The following RABEP2 variants were observed in gnomAD, a reference collection of about 807,000 sequenced individuals.
RABEP2 encodes rabaptin, RAB GTPase binding effector protein 2.
RABEP2 carries 57 observed loss-of-function variants against 74.1 expected under a neutral mutation model. The observed-to-expected ratio is 0.77, with a 90% confidence interval of 0.62 to 0.96. The LOEUF is 0.96. RABEP2 is among the 40% of genes least tolerant of loss of function. The pLI, the probability that RABEP2 is intolerant of heterozygous loss-of-function variation, is 0.00. For synonymous variants in RABEP2, 351 were observed against 344.0 expected, an observed-to-expected ratio of 1.02 and a Z score of -0.23; for missense variants, 692 against 756.3, an observed-to-expected ratio of 0.91 and a Z score of 1.00.
chr16:28,918,095 C>T (rs1964419569), intron 3 of RABEP2, among the ~76,000 whole-genome samples: 2 of 98,622 alleles, frequency 2.0e-5, no homozygotes, highest in Non-Finnish European at 3.6e-5. Context: ...TTTTTTGAGA[C>T]GGAGTCTCGC....
chr16:28,923,347 G>A (rs138411839), intron 2 of RABEP2, among the ~76,000 whole-genome samples: 202 of 152,110 alleles, frequency 1.3e-3, no homozygotes, highest in African/African-American at 4.8e-3. Context: ...GGAGGTGGAG[G>A]TTGCAGTGAG....
At position 28,924,911 on chromosome 16, in the gene RABEP2, C is replaced by T. The variant is rs1369352100; in HGVS notation, c.61+192G>A. On this transcript the variant is annotated intron_variant, in intron 1 of 12. Coordinates refer to ENST00000358201, the MANE Select transcript of RABEP2 (RefSeq NM_024816.3). ...TCACCGGGCCCCACTTCGCACCTGT[C>T]ACTGGCCCTACCCCTTCAATGGCCG... The T allele has an allele frequency of 3.6e-6, 3 of 822,242 alleles. No homozygotes were observed. The African/African-American group carries it at 5.0e-5, about 14-fold the overall frequency. The allele number at this position is 822,242 out of a possible 1,614,324, so 50.9% of individuals were successfully genotyped here.
At position 28,914,654 on chromosome 16, in the gene RABEP2, C is replaced by T; in HGVS notation, c.543+18G>A. 1 of 1,613,570 alleles carries T rather than the reference C, an allele frequency of 6.2e-7. No homozygotes were observed. Among genetic ancestry groups the T allele is most frequent in the Non-Finnish European group, 8.5e-7 (1 of 1,179,626 alleles). The stretch of plus-strand genomic sequence containing the variant: ...CTGGCACCCCTCCTTCCCCAGCGCC[C>T]CCTGGCCGTGCCCTCACCTGGATCT... On this transcript the variant is annotated intron_variant, in intron 4 of 12. Coordinates refer to ENST00000358201, the MANE Select transcript of RABEP2 (RefSeq NM_024816.3).
intron 3 of RABEP2, 104 bp from the exon 4 acceptor site, chr16:28,914,886 C>T: frequency 1.1e-6 from 1 of 931,246 alleles, no homozygotes; most frequent in Non-Finnish European, 1.7e-6. Context: ...TCCTAATCCT[C>T]CCTAGAAGGT....
chr16:28,905,484 C>G lies in RABEP2; in HGVS notation c.1521G>C (p.Gln507His). The G allele has an allele frequency of 6.2e-7, 1 of 1,611,040 alleles. No homozygotes were observed. Among genetic ancestry groups the G allele is most frequent in the Non-Finnish European group, 8.5e-7 (1 of 1,179,288 alleles). ...CCTGCAGCCGCAGCACCTTGGCCCT[C>G]TGTTCTGAGAGGAGGTCTGGGAGCT... ...KAQLPDLLSEQRAKVLRLQAE... is the reference protein window; with the variant it reads ...KAQLPDLLSEHRAKVLRLQAE... The change falls in exon 12 of 13, where the codon CAG becomes CAC. Residue 507 changes from glutamine to histidine, a missense_variant. Coordinates refer to ENST00000358201, the MANE Select transcript of RABEP2 (RefSeq NM_024816.3).
intron 8 of RABEP2, among the ~76,000 whole-genome samples, chr16:28,906,638 G>C (rs936026081): frequency 2.0e-5 from 3 of 152,080 alleles, no homozygotes; most frequent in African/African-American, 7.2e-5. Context: ...GGTGGTGCAC[G>C]CCTGTAGTCC....
rs923556055 is a variant in RABEP2 at position 28,906,168 on chromosome 16, C to T, written c.1274G>A (p.Arg425Gln). 34 of 1,591,132 alleles carry T rather than the reference C, an allele frequency of 2.1e-5. No individual in the cohort carries two copies. The highest frequency in any genetic ancestry group is 1.1e-4 in the Admixed American group (6 of 56,888). The part of the protein sequence containing the change: ...PELQQLLCCT[R>Q]QEARARLQAQ... Reference sequence around the variant, plus strand: ...CTGCAGCCGGGCCCTCGCCTCTTGCCGCGTGCAGCACAGCAGCTGCTGCAG... The same window carrying T: ...CTGCAGCCGGGCCCTCGCCTCTTGCTGCGTGCAGCACAGCAGCTGCTGCAG... The change falls in exon 9 of 13, where the codon CGG (arginine) becomes CAG (glutamine). Residue 425 changes from arginine (R) to glutamine (Q), a missense_variant. Physicochemically the swap from Arg to Gln is conservative, Grantham distance 43 (BLOSUM62 1). Coordinates refer to ENST00000358201, the MANE Select transcript of RABEP2 (RefSeq NM_024816.3).
chr16:28,908,950 C>T (rs750077671), intron 7 of RABEP2, among the ~76,000 whole-genome samples, 186 bp from the exon 8 acceptor site: 7 of 151,776 alleles, frequency 4.6e-5, no homozygotes, highest in Non-Finnish European at 8.8e-5. Flanking sequence ...CCTGCTAACA[C>T]GCAGATTACA....
At chr16:28,916,376 A>T (rs936674352) in intron 3 of RABEP2, 4 of 152,222 alleles carry the variant, frequency 2.6e-5, no homozygotes, top group African/African-American at 9.6e-5. Flanking sequence ...GAACTTGAAA[A>T]AAACAAATTT....
rs2152216788 is a variant in RABEP2, at chr16:28,904,536, C to T, written c.*407G>A. 6.9e-7 allele frequency: 1 copy of T among 1,444,060 alleles called. No individual in the cohort carries two copies. The highest frequency in any genetic ancestry group is 2.1e-4 in the Middle Eastern group (1 of 4,698). The allele number at this position is 1,444,060 out of a possible 1,614,324, so 89.5% of individuals were successfully genotyped here. A position where few individuals can be genotyped will look rare whatever the true frequency, so the allele number is the denominator to read the frequency against. On this transcript the variant is annotated 3_prime_UTR_variant, in exon 13 of 13. Transcript: ENST00000358201. ...ACAAGCGTCTTAGTGTCATGCAGAC[C>T]AGAAGGCAGCTGCCTGTCCCAGGGC...
chr16:28,919,991 G>A (rs765586729), intron 2 of RABEP2, 48 bp from the exon 3 acceptor site: 2 of 1,520,554 alleles, frequency 1.3e-6, no homozygotes, highest in Non-Finnish European at 1.8e-6. Flanking sequence ...CAATGAGCCA[G>A]CCCTGCCTGT....
rs750747875 is a variant in RABEP2, at chr16:28,904,514, A to G, written c.*429T>C. ...GAGGCCTGGGTCGCCGCTGTGGACA[A>G]GCGTCTTAGTGTCATGCAGACCAGA... On this transcript the variant is annotated 3_prime_UTR_variant, in exon 13 of 13. Transcript: ENST00000358201. 8.2e-6 allele frequency: 12 copies of G among 1,470,076 alleles called. No individual in the cohort carries two copies. Among genetic ancestry groups the G allele is most frequent in the Admixed American group, 2.0e-5 (1 of 48,864 alleles). 91.1% of individuals were successfully genotyped at this position (1,470,076 alleles called of 1,614,324 possible). A position where few individuals can be genotyped will look rare whatever the true frequency, so the allele number is the denominator to read the frequency against.
Position 28,905,859 on chromosome 16 carries a change from ACACT to A in RABEP2, c.1435+4_1435+7del, listed in dbSNP as rs758556852. 2 of 1,613,812 alleles carry A rather than the reference ACACT, an allele frequency of 1.2e-6. No homozygotes were observed. Among genetic ancestry groups the A allele is most frequent in the Non-Finnish European group, 1.7e-6 (2 of 1,179,984 alleles). ...CGATCCCCAAGATCACCTCCAGCAC[ACACT>A]CACCCTCCAGCACCTCTGTGGGAAG... On this transcript the variant is annotated splice_donor_5th_base_variant and intron_variant, in intron 10 of 12. Coordinates refer to ENST00000358201, the MANE Select transcript of RABEP2 (RefSeq NM_024816.3).
chr16:28,908,718 C>T lies in RABEP2; in HGVS notation c.1136G>A (p.Arg379Gln), dbSNP rs200767481. 43 of 1,614,094 alleles carry T rather than the reference C, an allele frequency of 2.7e-5. No homozygotes were observed. The highest frequency in any genetic ancestry group is 2.7e-5 in the Non-Finnish European group (32 of 1,180,038). ...GAGCCCTTGGTTTTCCTCATTCAAC[C>T]GCTTTACCTCATGGTGCAGGCACTT... Reference protein sequence around the residue: ...THKCLHHEVKRLNEENQGLRA... With the variant: ...THKCLHHEVKQLNEENQGLRA... The change falls in exon 8 of 13, where the codon CGG (arginine) becomes CAG (glutamine). Residue 379 changes from arginine to glutamine, a missense_variant. By Grantham distance (43) the Arg-to-Gln change is conservative. Coordinates refer to ENST00000358201, the MANE Select transcript of RABEP2 (RefSeq NM_024816.3).
At chr16:28,922,564 T>TA (rs903726292) in intron 2 of RABEP2, among the ~76,000 whole-genome samples, 5 of 147,634 alleles carry the variant, frequency 3.4e-5, no homozygotes, top group Non-Finnish European at 4.5e-5. Context: ...TACTAAAAAT[T>TA]AAAAAAAAAA....
chr16:28,905,360 G>C, intron 12 of RABEP2, 37 bp downstream of exon 12: 1 of 1,511,324 alleles, frequency 6.6e-7, no homozygotes, highest in Admixed American at 1.7e-5. Context: ...ACCCGGAGTG[G>C]AGCCAGCCAG....
In RABEP2 at chr16:28,905,508, C is replaced by G; in HGVS notation, c.1497G>C (p.Gln499His). Residue 499 changes from glutamine to histidine, a missense_variant, in exon 12 of 13, where the codon CAG (glutamine) becomes CAC (histidine). Gln to His is a conservative substitution (Grantham distance 24, BLOSUM62 0). Coordinates refer to ENST00000358201, the MANE Select transcript of RABEP2 (RefSeq NM_024816.3). ...TCTGTTCTGAGAGGAGGTCTGGGAG[C>G]TGGGCCTGCGGGGACAGACACCACA... The part of the protein sequence containing the change: ...ERVQQEQSKA[Q>H]LPDLLSEQRA... 1 of 1,611,154 alleles carries G rather than the reference C, an allele frequency of 6.2e-7. No individual in the cohort carries two copies. The highest frequency in any genetic ancestry group is 1.1e-5 in the South Asian group (1 of 90,346).
At chr16:28,912,200 C>T (rs62037414) in intron 5 of RABEP2, among the ~76,000 whole-genome samples, 111,516 of 148,182 alleles carry the variant, frequency 0.75, 43,259 homozygotes, top group African/African-American at 0.94. Context: ...GAGCCGAGAA[C>T]CACACCACTG....
At chr16:28,922,630 CAGG>C (rs762717943) in intron 2 of RABEP2, among the ~76,000 whole-genome samples, 5 of 151,620 alleles carry the variant, frequency 3.3e-5, no homozygotes, top group Non-Finnish European at 5.9e-5. Context: ...GAGGCTGAGG[CAGG>C]AGAATAGCAT....
Sources: gnomAD v4.1 joint callset for allele counts (sites outside exome capture counted in the v4.1 genomes callset) on GRCh38, gnomAD v4.1.1 for gene constraint, MANE v1.5 for transcripts, NCBI Gene and HGNC (gene_info 2026-07-23, HGNC 2026-07-21) for gene names.